The following NRXN3 variants were observed in gnomAD, a reference collection of about 807,000 sequenced individuals.
NRXN3 encodes neurexin III.
NRXN3 carries 32 observed loss-of-function variants against 137.6 expected under a neutral mutation model. The ratio of observed to expected loss-of-function variants is 0.23; its 90% CI spans 0.18 to 0.31. The LOEUF (loss-of-function observed/expected upper bound fraction) is 0.31. NRXN3 is among the 10% of genes least tolerant of loss of function. The pLI, the probability that NRXN3 is intolerant of heterozygous loss-of-function variation, is 1.00. For missense variants in NRXN3, 1,574 were observed against 2,062.5 expected (o/e 0.76, Z 4.59); for synonymous variants, 798 against 784.5 (o/e 1.02, Z -0.29).
chr14:78,717,263 AAAACTTGCCAAG>A (rs2098438308), intron 8 of NRXN3, among the ~76,000 whole-genome samples: 1 of 152,194 alleles, frequency 6.6e-6, no homozygotes. Flanking sequence ...GAGTTGGTCC[AAAACTTGCCAAG>A]AACAGTGAAA....
chr14:78,652,022 A>G (rs992645429), intron 6 of NRXN3, among the ~76,000 whole-genome samples: 2 of 152,246 alleles, frequency 1.3e-5, no homozygotes, highest in African/African-American at 2.4e-5. Context: ...TGAAATCACA[A>G]GGAACTAGAT....
intron 14 of NRXN3, 134 bp from the exon 15 acceptor site, chr14:78,987,888 C>A (rs2099510294): frequency 5.3e-6 from 5 of 944,104 alleles, no homozygotes; most frequent in African/African-American, 1.7e-5. Context: ...ATTGAGTTGA[C>A]AATTTTGGTG....
intron 4 of NRXN3, among the ~76,000 whole-genome samples, chr14:78,326,041 G>T (rs1166425715): frequency 6.6e-6 from 1 of 152,208 alleles, no homozygotes; most frequent in Admixed American, 6.5e-5. Flanking sequence ...CAGGATGATT[G>T]GTTAGCCTGC....
intron 1 of NRXN3, among the ~76,000 whole-genome samples, chr14:78,193,805 A>G (rs1322985666): frequency 3.3e-5 from 5 of 151,102 alleles, no homozygotes; most frequent in African/African-American, 1.2e-4. Context: ...TGACCAGAAG[A>G]CAGAGTTCAG....
At chr14:79,684,888 A>T (rs1320097459) in intron 17 of NRXN3, among the ~76,000 whole-genome samples, 2 of 152,106 alleles carry the variant, frequency 1.3e-5, no homozygotes, top group Non-Finnish European at 2.9e-5. Flanking sequence ...AGCAGAGATG[A>T]CACAGAGGGT....
At chr14:78,889,915 A>G (rs562184090) in intron 10 of NRXN3, among the ~76,000 whole-genome samples, 1 of 152,124 alleles carries the variant, frequency 6.6e-6, no homozygotes, top group South Asian at 2.1e-4. Context: ...TCCAGTGAAA[A>G]CTATCTTTGT....
At chr14:79,319,361 C>G (rs935273689) in intron 15 of NRXN3, among the ~76,000 whole-genome samples, 4 of 152,264 alleles carry the variant, frequency 2.6e-5, no homozygotes, top group South Asian at 4.1e-4. Flanking sequence ...ACTACACCCC[C>G]CTGAGCATCT....
intron 10 of NRXN3, among the ~76,000 whole-genome samples, chr14:78,941,779 C>G (rs2099353455): frequency 6.6e-6 from 1 of 152,210 alleles, no homozygotes; most frequent in Non-Finnish European, 1.5e-5. Context: ...CAAAGTGTAA[C>G]AATGACTTTA....
At chr14:79,815,231 C>T (rs1224098354) in intron 20 of NRXN3, among the ~76,000 whole-genome samples, 4 of 152,094 alleles carry the variant, frequency 2.6e-5, no homozygotes, top group African/African-American at 9.7e-5. Flanking sequence ...TAGTTGGATA[C>T]GAACAGCATG....
In NRXN3 at chr14:79,722,109, A is replaced by AT. The variant is rs1487457967; in HGVS notation, c.4014+24174dup. Among the ~76,000 whole-genome samples, 5 of 152,024 alleles carry AT rather than the reference A, an allele frequency of 3.3e-5. No individual in the cohort carries two copies. The East Asian group carries it at 7.7e-4, about 23-fold the overall frequency. ...TGCGTATTAATATCAACTTTATAGG[A>AT]TTGATGTGAAGTTTACATGAGTTGT... On this transcript the variant is annotated intron_variant, in intron 19 of 20. Coordinates refer to ENST00000335750, the MANE Select transcript of NRXN3 (RefSeq NM_001330195.2).
chr14:78,289,444 T>C (rs2153515975), intron 3 of NRXN3, among the ~76,000 whole-genome samples: 1 of 152,274 alleles, frequency 6.6e-6, no homozygotes, highest in East Asian at 1.9e-4. Flanking sequence ...TCATCAGAAT[T>C]CATAGAGGCA....
chr14:78,369,681 T>C (rs2086519317), intron 4 of NRXN3, among the ~76,000 whole-genome samples: 2 of 152,198 alleles, frequency 1.3e-5, no homozygotes, highest in Non-Finnish European at 2.9e-5. Context: ...GAGCTGTTTC[T>C]GTTTGGGAAG....
intron 4 of NRXN3, among the ~76,000 whole-genome samples, chr14:78,328,184 A>T (rs1465376304): frequency 6.6e-6 from 1 of 152,160 alleles, no homozygotes; most frequent in Non-Finnish European, 1.5e-5. Flanking sequence ...TCTACAGGGA[A>T]GGCTTCTGTG....
At chr14:79,302,745 T>TGTAA (rs1219475054) in intron 15 of NRXN3, among the ~76,000 whole-genome samples, 1 of 151,936 alleles carries the variant, frequency 6.6e-6, no homozygotes, top group African/African-American at 2.4e-5. Flanking sequence ...CCTGCTGCCA[T>TGTAA]GTAAGATATG....
intron 8 of NRXN3, among the ~76,000 whole-genome samples, chr14:78,756,209 C>G (rs973699410): frequency 6.6e-6 from 1 of 152,076 alleles, no homozygotes; most frequent in African/African-American, 2.4e-5. Context: ...GTTCACTAGC[C>G]GGGTGCGGTG....
intron 19 of NRXN3, among the ~76,000 whole-genome samples, chr14:79,774,031 A>G (rs976147531): frequency 6.6e-6 from 1 of 152,160 alleles, no homozygotes; most frequent in Non-Finnish European, 1.5e-5. Flanking sequence ...GGTAGATACA[A>G]AAGAACCCTA....
intron 18 of NRXN3, 61 bp downstream of exon 18, chr14:79,692,323 C>A: frequency 8.2e-7 from 1 of 1,224,928 alleles, no homozygotes; most frequent in Non-Finnish European, 1.2e-6. Flanking sequence ...ATTTTTAAAG[C>A]CTGCAAATAA....
At chr14:79,112,245 G>A (rs1568322105) in intron 15 of NRXN3, among the ~76,000 whole-genome samples, 1 of 152,150 alleles carries the variant, frequency 6.6e-6, no homozygotes, top group Non-Finnish European at 1.5e-5. Context: ...TGGAGCTGTA[G>A]GCCTCTCTTC....
Position 79,856,669 on chromosome 14 carries a change from A to G in NRXN3, c.4094-4673A>G, listed in dbSNP as rs17175241. On this transcript the variant is annotated intron_variant, in intron 20 of 20. Coordinates refer to ENST00000335750, the MANE Select transcript of NRXN3 (RefSeq NM_001330195.2). ...CCCACTGCATTCACTATCACCCACAACATTCTCACAGTTCAGAAGAATTCT... is the reference window on the plus strand; with the variant it reads ...CCCACTGCATTCACTATCACCCACAGCATTCTCACAGTTCAGAAGAATTCT... 4.7e-3 allele frequency among the ~76,000 whole-genome samples: 707 copies of G among 150,854 alleles called. 1 individual carries two copies. The highest frequency in any genetic ancestry group is 6.6e-3 in the Non-Finnish European group (445 of 67,746).
Sources: gnomAD v4.1 joint callset for allele counts (sites outside exome capture counted in the v4.1 genomes callset) on GRCh38, gnomAD v4.1.1 for gene constraint, MANE v1.5 for transcripts, NCBI Gene and HGNC (gene_info 2026-07-23, HGNC 2026-07-21) for gene names.